The following APPBP2 variants were observed in gnomAD, a reference collection of about 807,000 sequenced individuals.
APPBP2 encodes the protein amyloid beta precursor protein binding protein 2, also known as amyloid protein-binding protein 2.
APPBP2 carries 15 observed loss-of-function variants against 76.0 expected under a neutral mutation model. The ratio of observed to expected loss-of-function variants is 0.20; its 90% CI spans 0.13 to 0.30. The LOEUF (loss-of-function observed/expected upper bound fraction) is 0.30, where lower values mean the gene tolerates loss of function less well. Ranked by LOEUF, APPBP2 falls within the 10% of genes least tolerant of loss-of-function variation. The pLI is 1.00. For missense variants in APPBP2, 401 were observed against 687.2 expected, an observed-to-expected ratio of 0.58 and a Z score of 4.66; for synonymous variants, 222 against 242.2, an observed-to-expected ratio of 0.92 and a Z score of 0.77.
rs151004133 is a variant in APPBP2, at chr17:60,525,625, G to A, written c.138+169C>T. ...CCCAAAGCTTAAGAGACAGGGCATA[G>A]GGAGATGGGGTGCTTCTCCACTGGC... On this transcript the variant is annotated intron_variant, in intron 1 of 12. Transcript: ENST00000083182. Among the ~76,000 whole-genome samples, 7 of 152,310 alleles carry A rather than the reference G, an allele frequency of 4.6e-5. No homozygotes were observed. In the South Asian group the frequency reaches 1.0e-3, roughly 23 times the overall value.
chr17:60,475,648 T>TACACACACACAC lies in APPBP2; in HGVS notation c.503+3488_503+3499dup, dbSNP rs72415327. On this transcript the variant is annotated intron_variant, in intron 4 of 12. Transcript: ENST00000083182. ...CTTTCAATCCACATTCAACTCTTTA[T>TACACACACACAC]ACACACACACACACACACACACACA... Among the ~76,000 whole-genome samples, 260 of 129,254 alleles carry TACACACACACAC rather than the reference T, an allele frequency of 2.0e-3. 1 individual carries two copies. Among genetic ancestry groups the TACACACACACAC allele is most frequent in the African/African-American group, 7.0e-3 (231 of 32,940 alleles). The allele number at this position is 129,254 out of a possible 152,430, so 84.8% of individuals were successfully genotyped here.
intron 6 of APPBP2, among the ~76,000 whole-genome samples, chr17:60,462,960 A>G (rs1051763774): frequency 6.6e-6 from 1 of 151,736 alleles, no homozygotes; most frequent in Admixed American, 6.6e-5. Context: ...AAAAAAAAAA[A>G]AAAGAAAAAA....
intron 4 of APPBP2, among the ~76,000 whole-genome samples, chr17:60,469,554 C>T (rs2090536781): frequency 2.0e-5 from 3 of 152,072 alleles, no homozygotes; most frequent in Admixed American, 2.0e-4. Context: ...TTCATCACCC[C>T]AAACAGTCCC....
Position 60,494,533 on chromosome 17 carries a change from C to T in APPBP2, c.312G>A (p.Arg104=). The T allele has an allele frequency of 6.2e-7, 1 of 1,612,436 alleles. No individual in the cohort carries two copies. The highest frequency in any genetic ancestry group is 1.1e-5 in the South Asian group (1 of 90,640). ...CATCTGATTCTGCTATATAAGAGCA[C>T]CGCCTACTGAATGAGTAGGCCAAGA... ...ASVLAYSFSR[R]CSYIAESDAA... Residue 104 remains arginine (R), a synonymous_variant, in exon 3 of 13, where the codon CGG becomes CGA. Transcript: ENST00000083182.
intron 12 of APPBP2, among the ~76,000 whole-genome samples, chr17:60,450,635 G>A (rs1167527040): frequency 7.3e-5 from 11 of 151,166 alleles, no homozygotes; most frequent in Admixed American, 2.0e-4. Context: ...AAAATTAGCC[G>A]GGTGTGCTGG....
At chr17:60,465,420 T>C (rs951459587) in intron 5 of APPBP2, among the ~76,000 whole-genome samples, 3 of 152,232 alleles carry the variant, frequency 2.0e-5, no homozygotes, top group Non-Finnish European at 4.4e-5. Flanking sequence ...AAGATTTGTG[T>C]ACTTTTCTGT....
At chr17:60,499,590 G>A (rs1869726466) in intron 2 of APPBP2, among the ~76,000 whole-genome samples, 1 of 152,026 alleles carries the variant, frequency 6.6e-6, no homozygotes, top group African/African-American at 2.4e-5. Flanking sequence ...TGAAGGCAGG[G>A]GCTTGAAGAG....
intron 11 of APPBP2, among the ~76,000 whole-genome samples, chr17:60,452,749 T>C (rs1206699604): frequency 2.6e-5 from 4 of 152,004 alleles, no homozygotes; most frequent in Non-Finnish European, 4.4e-5. Flanking sequence ...GGCTGGGCAA[T>C]AGGGCAAGAC....
At chr17:60,509,712 T>C (rs1011167392) in intron 1 of APPBP2, among the ~76,000 whole-genome samples, 15 of 152,252 alleles carry the variant, frequency 9.9e-5, no homozygotes, top group African/African-American at 3.4e-4. Flanking sequence ...TGAGGCAGAA[T>C]TGCTTGAACC....
intron 8 of APPBP2, chr17:60,461,425 G>A: frequency 5.9e-6 from 1 of 169,114 alleles, no homozygotes; most frequent in Non-Finnish European, 1.3e-5. Flanking sequence ...TACAGCAATG[G>A]CATAATACAT....
chr17:60,498,288 G>A (rs1425707364), intron 2 of APPBP2, among the ~76,000 whole-genome samples: 1 of 152,090 alleles, frequency 6.6e-6, no homozygotes, highest in Non-Finnish European at 1.5e-5. Context: ...ATAGAAGGAG[G>A]CAGAACAAAT....
chr17:60,458,399 A>T (rs1598348160), intron 9 of APPBP2, among the ~76,000 whole-genome samples: 1 of 150,932 alleles, frequency 6.6e-6, no homozygotes, highest in Admixed American at 6.6e-5. Context: ...ACGCCACTGC[A>T]CTCCAGCCTG....
chr17:60,485,785 T>A (rs2090671327), intron 3 of APPBP2, among the ~76,000 whole-genome samples: 1 of 152,188 alleles, frequency 6.6e-6, no homozygotes, highest in Non-Finnish European at 1.5e-5. Flanking sequence ...CTTTTAATTG[T>A]GATGGTAGGG....
At chr17:60,517,955 G>A (rs1041388837) in intron 1 of APPBP2, among the ~76,000 whole-genome samples, 2 of 151,976 alleles carry the variant, frequency 1.3e-5, no homozygotes, top group African/African-American at 4.8e-5. Context: ...AGTTGCCTTA[G>A]CTGCCTTTTT....
rs773035447 is a variant in APPBP2, at chr17:60,447,830, C to T, written c.1509G>A (p.Lys503=). ...KLYLRSIAIG[K]KLFGEGYSGL... is the part of the protein sequence containing the mutation. ...CACTGTAGCCCTCACCAAAAAGTTT[C>T]TTCCCTGTAACAAAAAAGAAAAAGG... The change falls in exon 13 of 13, where the codon AAG becomes AAA. Residue 503 remains lysine, a synonymous_variant. Coordinates refer to ENST00000083182, the MANE Select transcript of APPBP2 (RefSeq NM_006380.5). The T allele has an allele frequency of 6.4e-7, 1 of 1,552,872 alleles. No homozygotes were observed. Among genetic ancestry groups the T allele is most frequent in the Non-Finnish European group, 8.7e-7 (1 of 1,151,102 alleles).
chr17:60,469,535 C>T (rs1003948345), intron 4 of APPBP2, among the ~76,000 whole-genome samples: 1 of 152,006 alleles, frequency 6.6e-6, no homozygotes, highest in South Asian at 2.1e-4. Context: ...TATCCACTTC[C>T]AAAACTTTTT....
chr17:60,470,271 A>T (rs919565387), intron 4 of APPBP2, among the ~76,000 whole-genome samples: 40 of 151,586 alleles, frequency 2.6e-4, no homozygotes, highest in African/African-American at 8.7e-4. Context: ...TTTTATTTTT[A>T]ATTTTATGAG....
chr17:60,489,822 C>T (rs908166950), intron 3 of APPBP2, among the ~76,000 whole-genome samples: 1 of 151,678 alleles, frequency 6.6e-6, no homozygotes, highest in Non-Finnish European at 1.5e-5. Flanking sequence ...GACCACTTGA[C>T]GTCAGGAGTT....
intron 9 of APPBP2, among the ~76,000 whole-genome samples, chr17:60,457,079 G>A (rs1050799535): frequency 1.3e-5 from 2 of 150,456 alleles, no homozygotes; most frequent in Admixed American, 6.6e-5. Context: ...AGGTTGCAGC[G>A]AGCCAAGATT....
Sources: allele counts gnomAD v4.1 joint callset (sites outside exome capture counted in the v4.1 genomes callset), GRCh38; gene constraint gnomAD v4.1.1; transcripts MANE v1.5; gene names NCBI Gene and HGNC (gene_info 2026-07-23, HGNC 2026-07-21).